Variants in FAM13B observed in about 807,000 individuals in gnomAD.
FAM13B encodes the protein protein FAM13B.
A neutral mutation model predicts 117.3 loss-of-function variants in FAM13B; 60 were observed. The ratio of observed to expected loss-of-function variants is 0.51; its 90% CI spans 0.42 to 0.63. FAM13B has a LOEUF of 0.63. Ranked by LOEUF, FAM13B falls within the 30% of genes least tolerant of loss-of-function variation. The probability of loss-of-function intolerance (pLI) is 0.00; values close to 1 mark genes in which losing one functional copy is unlikely to be tolerated. For missense variants in FAM13B, 972 were observed against 1,091.9 expected (o/e 0.89, Z 1.55); for synonymous variants, 332 against 356.1 (o/e 0.93, Z 0.76).
chr5:138,010,453 A>G (rs1320341899), intron 6 of FAM13B, among the ~76,000 whole-genome samples: 1 of 152,230 alleles, frequency 6.6e-6, no homozygotes, highest in Non-Finnish European at 1.5e-5. Context: ...AAATAATAAA[A>G]CAATTTTTTA....
intron 16 of FAM13B, 42 bp from the exon 17 acceptor site, chr5:137,952,751 C>A: frequency 1.7e-6 from 2 of 1,143,212 alleles, no homozygotes; most frequent in South Asian, 1.4e-5. Context: ...TTGTGATAAG[C>A]AATAGTTACA....
Position 137,938,068 on chromosome 5 carries a change from A to T in FAM13B, c.*2157T>A, listed in dbSNP as rs1382980859. The stretch of plus-strand genomic sequence containing the variant: ...ATATCTATATATTATTTGTATATAG[A>T]TATACAGTTTTTATTTGTACCAAAG... On this transcript the variant is annotated 3_prime_UTR_variant, in exon 24 of 24. Transcript: ENST00000689681. 6.6e-6 allele frequency: 1 copy of T among 152,200 alleles called. No individual in the cohort carries two copies. The highest frequency in any genetic ancestry group is 1.5e-5 in the Non-Finnish European group (1 of 68,038). The allele number at this position is 152,200 out of a possible 1,614,324, so 9.4% of individuals were successfully genotyped here.
intron 10 of FAM13B, among the ~76,000 whole-genome samples, chr5:137,962,913 A>C (rs1214346968): frequency 6.6e-6 from 1 of 152,164 alleles, no homozygotes; most frequent in Non-Finnish European, 1.5e-5. Flanking sequence ...CCACAAAGAA[A>C]GTCCCCACAT....
chr5:138,004,399 C>A (rs1212481124), intron 7 of FAM13B, among the ~76,000 whole-genome samples: 2 of 152,104 alleles, frequency 1.3e-5, no homozygotes, highest in African/African-American at 4.8e-5. Context: ...CCATACTTAG[C>A]CTTGCTGGTA....
chr5:138,047,455 G>A lies in FAM13B; in HGVS notation c.-203+4423C>T, dbSNP rs551947113. On this transcript the variant is annotated intron_variant, in intron 1 of 3. Transcript: ENST00000502471. ...CAGGAGGCAGAGGTTGCAGTGAGCC[G>A]AGATCACACCACTGCACTCCAGCCT... Among the ~76,000 whole-genome samples the A allele has an allele frequency of 4.7e-5, 7 of 150,286 alleles. No homozygotes were observed. The East Asian group carries it at 7.9e-4, about 17-fold the overall frequency.
chr5:138,043,868 T>C (rs1003345184), intron 1 of FAM13B, among the ~76,000 whole-genome samples: 1 of 150,556 alleles, frequency 6.6e-6, no homozygotes, highest in African/African-American at 2.4e-5. Flanking sequence ...TGAGCCACCA[T>C]ACCCAGCCAG....
At chr5:137,956,564 C>G in intron 13 of FAM13B, 22 bp from the exon 14 acceptor site, 1 of 1,557,318 alleles carries the variant, frequency 6.4e-7, no homozygotes. Flanking sequence ...GAAAAAATGG[C>G]AAAAAATACT....
intron 10 of FAM13B, among the ~76,000 whole-genome samples, chr5:137,981,638 T>C (rs1395415237): frequency 2.0e-5 from 3 of 151,668 alleles, no homozygotes; most frequent in Non-Finnish European, 4.4e-5. Context: ...ATACAAAAAT[T>C]AGCCGGGCGT....
At chr5:138,022,387 A>G (rs1787002519) in intron 1 of FAM13B, among the ~76,000 whole-genome samples, 1 of 152,210 alleles carries the variant, frequency 6.6e-6, no homozygotes, top group Admixed American at 6.5e-5. Flanking sequence ...AGCTCAGTAA[A>G]CTACACTGCA....
In FAM13B at chr5:138,050,733, C is replaced by G. The variant is rs370586744; in HGVS notation, c.-203+1145G>C. Among the ~76,000 whole-genome samples, 4 of 152,230 alleles carry G rather than the reference C, an allele frequency of 2.6e-5. No homozygotes were observed. The East Asian group carries it at 5.8e-4, about 22-fold the overall frequency. Reference sequence around the variant, plus strand: ...GGGTTTATTGGTCCAAAAATTCAAGCCCCAGACCATGAAGTGAAAGTTTTG... The same window carrying G: ...GGGTTTATTGGTCCAAAAATTCAAGGCCCAGACCATGAAGTGAAAGTTTTG... On this transcript the variant is annotated intron_variant, in intron 1 of 3. Transcript: ENST00000502471.
intron 10 of FAM13B, among the ~76,000 whole-genome samples, chr5:137,982,102 C>T (rs1036088998): frequency 6.6e-6 from 1 of 152,198 alleles, no homozygotes. Context: ...GTGGCATTAT[C>T]TAATTTTCCT....
chr5:138,047,868 C>T (rs1259254677), intron 1 of FAM13B, among the ~76,000 whole-genome samples: 2 of 152,234 alleles, frequency 1.3e-5, no homozygotes, highest in African/African-American at 4.8e-5. Flanking sequence ...AGGGGCCTGA[C>T]TTTAGCCCAG....
At position 137,953,545 on chromosome 5, in the gene FAM13B, T is replaced by G. The variant is rs1387472186; in HGVS notation, c.1719-80A>C. The G allele has an allele frequency of 9.4e-6, 13 of 1,389,794 alleles. No individual in the cohort carries two copies. In the Admixed American group the frequency reaches 2.3e-4, roughly 25 times the overall value. 86.1% of individuals were successfully genotyped at this position (1,389,794 alleles called of 1,614,324 possible). A position where few individuals can be genotyped will look rare whatever the true frequency, so the allele number is the denominator to read the frequency against. The stretch of plus-strand genomic sequence containing the variant: ...CTCTTATTGCCCTGACATGGCACTA[T>G]TAGCAATAAGTAAATCTTAAAGGTA... On this transcript the variant is annotated intron_variant, in intron 15 of 23. Transcript: ENST00000689681.
At chr5:137,966,100 TAA>T (rs34781504) in intron 10 of FAM13B, among the ~76,000 whole-genome samples, 63,884 of 150,682 alleles carry the variant, frequency 0.42, 14,406 homozygotes, top group East Asian at 0.6. Context: ...AGTAGCACAT[TAA>T]AAAAAAAATT....
chr5:138,005,588 T>G (rs1005933435), intron 7 of FAM13B, among the ~76,000 whole-genome samples: 2 of 151,672 alleles, frequency 1.3e-5, no homozygotes, highest in South Asian at 4.1e-4. Context: ...AATATATAAT[T>G]AAAATACAGT....
intron 4 of FAM13B, among the ~76,000 whole-genome samples, chr5:138,018,097 CA>C (rs1320339670): frequency 6.6e-6 from 1 of 152,128 alleles, no homozygotes; most frequent in Non-Finnish European, 1.5e-5. Context: ...CTAATAAAAC[CA>C]ATCACAAAAA....
chr5:137,946,340 T>TAA, intron 18 of FAM13B, 29 bp from the exon 19 acceptor site: 8 of 1,219,420 alleles, frequency 6.6e-6, no homozygotes, highest in South Asian at 2.1e-5. Context: ...AATAACAAAA[T>TAA]ACAAAAAAAA....
chr5:138,001,361 T>C (rs538764463), intron 7 of FAM13B, among the ~76,000 whole-genome samples: 24 of 152,366 alleles, frequency 1.6e-4, no homozygotes, highest in Admixed American at 4.6e-4. Flanking sequence ...CTATGCATTC[T>C]AGGGAAATTT....
At chr5:137,961,879 ACT>A (rs35031255) in intron 11 of FAM13B, among the ~76,000 whole-genome samples, 34,863 of 151,946 alleles carry the variant, frequency 0.23, 4,198 homozygotes, top group African/African-American at 0.28. Context: ...ATCTATTGAG[ACT>A]CTACATTAGT....
Sources: allele counts gnomAD v4.1 joint callset (sites outside exome capture counted in the v4.1 genomes callset), GRCh38; gene constraint gnomAD v4.1.1; transcripts MANE v1.5; gene names NCBI Gene and HGNC (gene_info 2026-07-23, HGNC 2026-07-21).